The following L2HGDH variants were observed in gnomAD, a reference collection of about 807,000 sequenced individuals.
L2HGDH encodes L-2-hydroxyglutarate dehydrogenase, mitochondrial.
Under a neutral mutation model 51.5 loss-of-function variants are expected in L2HGDH, and 34 were observed. The ratio of observed to expected loss-of-function variants is 0.66; its 90% CI spans 0.50 to 0.88. The LOEUF (loss-of-function observed/expected upper bound fraction) is 0.88. Among genes scored for constraint, L2HGDH ranks in the 40% least tolerant of loss-of-function variants. The pLI is 0.00. For missense variants in L2HGDH, 558 were observed against 571.9 expected (o/e 0.98, Z 0.25); for synonymous variants, 198 against 197.9 (o/e 1.00, Z -0.01).
intron 4 of L2HGDH, among the ~76,000 whole-genome samples, chr14:50,284,382 T>A (rs371091663): frequency 6.6e-6 from 1 of 152,264 alleles, no homozygotes; most frequent in Non-Finnish European, 1.5e-5. Flanking sequence ...TTTGACTTGC[T>A]GCCCAGACCC....
chr14:50,282,684 C>G (rs758774266), intron 5 of L2HGDH, among the ~76,000 whole-genome samples: 4 of 151,988 alleles, frequency 2.6e-5, no homozygotes, highest in Non-Finnish European at 4.4e-5. Flanking sequence ...ATAATGGTAC[C>G]CTGCCACGGA....
At chr14:50,298,282 C>T (rs1236978137) in intron 3 of L2HGDH, among the ~76,000 whole-genome samples, 4 of 151,276 alleles carry the variant, frequency 2.6e-5, no homozygotes, top group African/African-American at 9.7e-5. Context: ...TGGTGGTGCA[C>T]CTGTGATCCC....
At chr14:50,270,409 G>GGTCTTATTCTTAGGTC (rs1437141613) in intron 6 of L2HGDH, among the ~76,000 whole-genome samples, 2 of 152,102 alleles carry the variant, frequency 1.3e-5, no homozygotes, top group Non-Finnish European at 2.9e-5. Context: ...CTTATTCTTA[G>GGTCTTATTCTTAGGTC]ATCTTCTTCC....
At position 50,312,220 on chromosome 14, in the gene L2HGDH, G is replaced by C. The variant is rs950561439; in HGVS notation, c.-70C>G. The C allele has an allele frequency of 6.3e-7, 1 of 1,579,448 alleles. No homozygotes were observed. Among genetic ancestry groups the C allele is most frequent in the Admixed American group, 1.8e-5 (1 of 56,640 alleles). Reference sequence around the variant, plus strand: ...TGACCCTCCACGGCCGAGGACCCGCGCTCTTTAGCCCCGCCCCTCACGCGG... The same window carrying C: ...TGACCCTCCACGGCCGAGGACCCGCCCTCTTTAGCCCCGCCCCTCACGCGG... On this transcript the variant is annotated 5_prime_UTR_variant, in exon 1 of 10. Coordinates refer to ENST00000267436, the MANE Select transcript of L2HGDH (RefSeq NM_024884.3).
chr14:50,258,233 TAG>T (rs1463374068), intron 9 of L2HGDH, among the ~76,000 whole-genome samples: 1 of 152,088 alleles, frequency 6.6e-6, no homozygotes, highest in Admixed American at 6.6e-5. Context: ...TTATTTTTTT[TAG>T]AGACAGGCCT....
intron 4 of L2HGDH, among the ~76,000 whole-genome samples, chr14:50,292,884 CAA>C (rs111974155): frequency 7.6e-6 from 1 of 131,692 alleles, no homozygotes. Context: ...GACTGCATCT[CAA>C]AAAAAAAAAC....
Position 50,246,430 on chromosome 14 carries a change from C to G in L2HGDH, c.*628G>C, listed in dbSNP as rs979345981. On this transcript the variant is annotated 3_prime_UTR_variant, in exon 10 of 10. Transcript: ENST00000267436. Reference sequence around the variant, plus strand: ...ATGGGGTTTCATTCACTATGTTGCCCAGGCTGGATTTTTTTTTTTTTTTTT... The same window carrying G: ...ATGGGGTTTCATTCACTATGTTGCCGAGGCTGGATTTTTTTTTTTTTTTTT... 4.1e-5 allele frequency: 6 copies of G among 147,492 alleles called. No homozygotes were observed. Among genetic ancestry groups the G allele is most frequent in the Admixed American group, 3.5e-4 (5 of 14,176 alleles). 9.1% of individuals were successfully genotyped at this position (147,492 alleles called of 1,614,324 possible). A position where few individuals can be genotyped will look rare whatever the true frequency, so the allele number is the denominator to read the frequency against.
At chr14:50,273,649 G>C (rs922052247) in intron 6 of L2HGDH, among the ~76,000 whole-genome samples, 3 of 151,776 alleles carry the variant, frequency 2.0e-5, no homozygotes, top group African/African-American at 7.3e-5. Flanking sequence ...CACAGCAAAA[G>C]AAATGACAAT....
At chr14:50,311,278 A>C in intron 1 of L2HGDH, 1 of 452,158 alleles carries the variant, frequency 2.2e-6, no homozygotes, top group Non-Finnish European at 4.4e-6. Flanking sequence ...TGTGGTTAAA[A>C]TAAACTAAAA....
At chr14:50,300,878 G>A (rs2030368590) in intron 3 of L2HGDH, among the ~76,000 whole-genome samples, 1 of 152,018 alleles carries the variant, frequency 6.6e-6, no homozygotes, top group African/African-American at 2.4e-5. Context: ...AGGCTGAAGT[G>A]CAGTGGCATA....
chr14:50,255,976 C>G (rs954960739), intron 9 of L2HGDH, among the ~76,000 whole-genome samples: 2 of 151,684 alleles, frequency 1.3e-5, no homozygotes, highest in African/African-American at 4.8e-5. Context: ...GCACTCCAGG[C>G]TGGGTGACAG....
In L2HGDH at chr14:50,242,649, T is replaced by G. The variant is rs1390800992; in HGVS notation, c.*4409A>C. 5.1e-6 allele frequency: 5 copies of G among 985,316 alleles called. No individual in the cohort carries two copies. Among genetic ancestry groups the G allele is most frequent in the Non-Finnish European group, 3.6e-6 (3 of 829,930 alleles). The allele number at this position is 985,316 out of a possible 1,614,324, so 61.0% of individuals were successfully genotyped here. Reference sequence around the variant, plus strand: ...TGAGTACAAACTATTTGAAAACATCTCGAGGCAGCTTTTGCTTTCCCAACC... The same window carrying G: ...TGAGTACAAACTATTTGAAAACATCGCGAGGCAGCTTTTGCTTTCCCAACC... On this transcript the variant is annotated 3_prime_UTR_variant, in exon 10 of 10. Coordinates refer to ENST00000267436, the MANE Select transcript of L2HGDH (RefSeq NM_024884.3).
chr14:50,257,405 T>C (rs1272748951), intron 9 of L2HGDH, among the ~76,000 whole-genome samples: 1 of 151,796 alleles, frequency 6.6e-6, no homozygotes, highest in Non-Finnish European at 1.5e-5. Context: ...GGTCTTGCTC[T>C]GTTGCCCAGG....
chr14:50,298,582 G>A (rs536869112), intron 3 of L2HGDH, among the ~76,000 whole-genome samples: 1 of 152,246 alleles, frequency 6.6e-6, no homozygotes, highest in South Asian at 2.1e-4. Flanking sequence ...CCAAAGTGCT[G>A]GGATTAGGGG....
At chr14:50,296,955 A>C (rs1380288737) in intron 3 of L2HGDH, among the ~76,000 whole-genome samples, 1 of 152,234 alleles carries the variant, frequency 6.6e-6, no homozygotes, top group Non-Finnish European at 1.5e-5. Flanking sequence ...GGAATGTAAA[A>C]TCAATTTAAC....
chr14:50,306,078 G>T (rs554054897), intron 1 of L2HGDH, among the ~76,000 whole-genome samples: 2 of 148,188 alleles, frequency 1.3e-5, no homozygotes, highest in African/African-American at 5.0e-5. Flanking sequence ...GTGAGATGGA[G>T]TCTGGCTCTG....
At chr14:50,264,487 AGAGTCCCT>A (rs1889225250) in intron 9 of L2HGDH, among the ~76,000 whole-genome samples, 1 of 152,220 alleles carries the variant, frequency 6.6e-6, no homozygotes, top group Admixed American at 6.5e-5. Flanking sequence ...TCCTGAAAGT[AGAGTCCCT>A]GAGTGCAGTA....
chr14:50,252,511 A>G (rs1454940618), intron 9 of L2HGDH, among the ~76,000 whole-genome samples: 1 of 152,136 alleles, frequency 6.6e-6, no homozygotes, highest in African/African-American at 2.4e-5. Context: ...ACAAGACCCA[A>G]TGATCTGTTG....
At chr14:50,258,530 T>G (rs1888808762) in intron 9 of L2HGDH, among the ~76,000 whole-genome samples, 1 of 151,888 alleles carries the variant, frequency 6.6e-6, no homozygotes, top group Non-Finnish European at 1.5e-5. Flanking sequence ...GTCTTATTTT[T>G]TGAGACAGGG....
Sources: gnomAD v4.1 joint callset for allele counts (sites outside exome capture counted in the v4.1 genomes callset) on GRCh38, gnomAD v4.1.1 for gene constraint, MANE v1.5 for transcripts, NCBI Gene and HGNC (gene_info 2026-07-23, HGNC 2026-07-21) for gene names.